Variants in MAGI2 observed in about 807,000 individuals in gnomAD.
MAGI2 encodes the protein membrane-associated guanylate kinase, WW and PDZ domain-containing protein 2.
A neutral mutation model predicts 133.3 loss-of-function variants in MAGI2; 35 were observed. The ratio of observed to expected loss-of-function variants is 0.26; its 90% CI spans 0.20 to 0.35. MAGI2 has a LOEUF of 0.35. MAGI2 is among the 10% of genes least tolerant of loss of function. The pLI is 1.00. For synonymous variants in MAGI2, 729 were observed against 710.6 expected (o/e 1.03, Z -0.41); for missense variants, 1,636 against 1,863.4 (o/e 0.88, Z 2.25).
chr7:78,158,939 C>T (rs760119575), intron 16 of MAGI2, among the ~76,000 whole-genome samples: 3 of 152,070 alleles, frequency 2.0e-5, no homozygotes, highest in Non-Finnish European at 4.4e-5. Flanking sequence ...TGACACCACC[C>T]AGACCAGTAA....
At chr7:79,187,617 G>A (rs1004565283) in intron 1 of MAGI2, among the ~76,000 whole-genome samples, 1 of 151,834 alleles carries the variant, frequency 6.6e-6, no homozygotes, top group African/African-American at 2.4e-5. Flanking sequence ...AGAGGTCAAA[G>A]TAGCTGATAG....
chr7:78,192,820 T>G (rs576085895), intron 12 of MAGI2, among the ~76,000 whole-genome samples: 1 of 152,250 alleles, frequency 6.6e-6, no homozygotes, highest in East Asian at 1.9e-4. Flanking sequence ...AGAGAGCTGA[T>G]GAAAGCAGGA....
chr7:79,240,898 G>A (rs534546158), intron 1 of MAGI2, among the ~76,000 whole-genome samples: 34 of 152,152 alleles, frequency 2.2e-4, no homozygotes, highest in Admixed American at 1.7e-3. Context: ...CTAGTGAGGA[G>A]GTAACGGCTG....
intron 12 of MAGI2, among the ~76,000 whole-genome samples, chr7:78,189,109 G>T (rs1827971899): frequency 6.6e-6 from 1 of 152,180 alleles, no homozygotes; most frequent in African/African-American, 2.4e-5. Context: ...GGAAAGAGCA[G>T]CAGAAAACCT....
intron 1 of MAGI2, chr7:79,125,687 G>A (rs868425773): frequency 2.3e-5 from 12 of 528,862 alleles, no homozygotes; most frequent in African/African-American, 9.6e-5. Context: ...GAGCCATGAA[G>A]GGAGGAAACT....
intron 2 of MAGI2, among the ~76,000 whole-genome samples, chr7:78,813,778 T>C: frequency 9.5e-6 from 1 of 105,604 alleles, no homozygotes; most frequent in South Asian, 3.5e-4. Context: ...AGAGTGAGAT[T>C]CTGTCTCAAA....
At chr7:79,003,705 T>C (rs565342832) in intron 2 of MAGI2, among the ~76,000 whole-genome samples, 1 of 152,328 alleles carries the variant, frequency 6.6e-6, no homozygotes, top group African/African-American at 2.4e-5. Context: ...TTTCTGAACA[T>C]ATTTGAAAAC....
At chr7:78,408,494 GA>G (rs1451941705) in intron 6 of MAGI2, among the ~76,000 whole-genome samples, 1 of 151,986 alleles carries the variant, frequency 6.6e-6, no homozygotes, top group African/African-American at 2.4e-5. Context: ...GAGGGATGGA[GA>G]AAGGATGAAA....
In MAGI2 at chr7:78,576,875, T is replaced by G. The variant is rs1345395682; in HGVS notation, c.538+50245A>C. Among the ~76,000 whole-genome samples, 5 of 152,198 alleles carry G rather than the reference T, an allele frequency of 3.3e-5. No individual in the cohort carries two copies. In the East Asian group the frequency reaches 9.7e-4, roughly 29 times the overall value. ...GCACTTTGGGAGTCTGAGGCAGGCG[T>G]ATTACTTGAAGACAGGAGTTCAAGA... is the stretch of plus-strand genomic sequence containing the variant. On this transcript the variant is annotated intron_variant, in intron 3 of 21. Coordinates refer to ENST00000354212, the MANE Select transcript of MAGI2 (RefSeq NM_012301.4).
intron 1 of MAGI2, among the ~76,000 whole-genome samples, chr7:79,032,220 A>G (rs1206348427): frequency 6.6e-6 from 1 of 152,160 alleles, no homozygotes; most frequent in Non-Finnish European, 1.5e-5. Flanking sequence ...GCTTCGATCA[A>G]TATAAGACCA....
chr7:79,243,616 T>G (rs1026792295), intron 1 of MAGI2, among the ~76,000 whole-genome samples: 3 of 152,188 alleles, frequency 2.0e-5, no homozygotes, highest in Admixed American at 2.0e-4. Context: ...AGAATGGATT[T>G]CTTACTTTGG....
chr7:79,137,458 T>TTTG (rs1821691118), intron 1 of MAGI2, among the ~76,000 whole-genome samples: 2 of 150,114 alleles, frequency 1.3e-5, no homozygotes, highest in Admixed American at 6.6e-5. Context: ...TTGTTTTTTT[T>TTTG]TTTTTTTGAG....
At chr7:79,411,931 T>C (rs1473566865) in intron 1 of MAGI2, 1 of 152,024 alleles carries the variant, frequency 6.6e-6, no homozygotes, top group Non-Finnish European at 1.5e-5. Flanking sequence ...GAATACTATA[T>C]ATTCAATTTT....
intron 3 of MAGI2, among the ~76,000 whole-genome samples, chr7:78,605,384 A>G (rs1237795861): frequency 6.6e-6 from 1 of 152,238 alleles, no homozygotes; most frequent in African/African-American, 2.4e-5. Flanking sequence ...GGTGGTGAAC[A>G]TCGGAAAATG....
chr7:79,196,330 A>G (rs1828079629), intron 1 of MAGI2, among the ~76,000 whole-genome samples: 1 of 152,050 alleles, frequency 6.6e-6, no homozygotes, highest in Admixed American at 6.5e-5. Context: ...TTAGTTAAGT[A>G]ACATGTACCC....
At chr7:78,657,802 T>A (rs563087320) in intron 2 of MAGI2, among the ~76,000 whole-genome samples, 2 of 152,272 alleles carry the variant, frequency 1.3e-5, no homozygotes, top group East Asian at 3.9e-4. Context: ...CTATGTAAAC[T>A]ATGATCTCTG....
At chr7:78,555,877 TC>T (rs1563163867) in intron 3 of MAGI2, among the ~76,000 whole-genome samples, 3 of 152,164 alleles carry the variant, frequency 2.0e-5, no homozygotes. Context: ...CAACCTCCAC[TC>T]TTACCACTAA....
intron 1 of MAGI2, among the ~76,000 whole-genome samples, chr7:79,373,134 G>T (rs1326160410): frequency 1.3e-5 from 2 of 151,846 alleles, no homozygotes; most frequent in African/African-American, 2.4e-5. Context: ...ATCCTATCTG[G>T]AACCATAAAG....
At chr7:78,900,385 C>G (rs896420222) in intron 2 of MAGI2, among the ~76,000 whole-genome samples, 1 of 152,086 alleles carries the variant, frequency 6.6e-6, no homozygotes, top group Non-Finnish European at 1.5e-5. Context: ...AGAGCTGGTC[C>G]CCAGCTTCCT....
Sources: gnomAD v4.1 joint callset for allele counts (sites outside exome capture counted in the v4.1 genomes callset) on GRCh38, gnomAD v4.1.1 for gene constraint, MANE v1.5 for transcripts, NCBI Gene and HGNC (gene_info 2026-07-23, HGNC 2026-07-21) for gene names.